KDM1A: variants seen among roughly 807,000 people sequenced by gnomAD.
KDM1A encodes the protein lysine-specific histone demethylase 1A.
KDM1A carries 49 observed loss-of-function variants against 109.4 expected under a neutral mutation model. That is an observed-to-expected ratio of 0.45 (90% CI 0.36 to 0.57). KDM1A has a LOEUF of 0.57. Ranked by LOEUF, KDM1A falls within the 20% of genes least tolerant of loss-of-function variation. The pLI is 0.00. For missense variants in KDM1A, 668 were observed against 1,116.6 expected, an observed-to-expected ratio of 0.60 and a Z score of 5.73; for synonymous variants, 380 against 415.4, an observed-to-expected ratio of 0.91 and a Z score of 1.04.
chr1:23,081,727 C>A, intron 19 of KDM1A, 154 bp downstream of exon 19: 1 of 916,568 alleles, frequency 1.1e-6, no homozygotes, highest in Admixed American at 2.9e-5. Context: ...ATGGCCTAAG[C>A]GTGGGGTTCA....
In KDM1A at chr1:23,083,422, C is replaced by A; in HGVS notation, c.*58C>A. 1 of 1,522,170 alleles carries A rather than the reference C, an allele frequency of 6.6e-7. No individual in the cohort carries two copies. The highest frequency in any genetic ancestry group is 8.9e-7 in the Non-Finnish European group (1 of 1,124,606). 94.3% of individuals were successfully genotyped at this position (1,522,170 alleles called of 1,614,324 possible). On this transcript the variant is annotated 3_prime_UTR_variant, in exon 21 of 21. Coordinates refer to ENST00000400181, the MANE Select transcript of KDM1A (RefSeq NM_001009999.3). ...GCCTGTTTCTGCCATGTAAGGAAGG[C>A]TCTTCTAGCAATACTAGATCCCACT...
chr1:23,029,359 A>G (rs545094343), intron 1 of KDM1A, among the ~76,000 whole-genome samples: 1 of 152,300 alleles, frequency 6.6e-6, no homozygotes, highest in South Asian at 2.1e-4. Flanking sequence ...AATTGATTCC[A>G]TAATAATTAG....
At chr1:23,074,767 A>T (rs527497334) in intron 15 of KDM1A, among the ~76,000 whole-genome samples, 1 of 152,310 alleles carries the variant, frequency 6.6e-6, no homozygotes, top group East Asian at 1.9e-4. Flanking sequence ...ATGTTTTTCC[A>T]TATAGTTATG....
chr1:23,075,398 C>T (rs1643433289), intron 15 of KDM1A, among the ~76,000 whole-genome samples: 1 of 151,224 alleles, frequency 6.6e-6, no homozygotes, highest in Non-Finnish European at 1.5e-5. Context: ...CAGCCTGGCC[C>T]TGTCTCTACT....
At chr1:23,045,252 T>C (rs999150718) in intron 3 of KDM1A, among the ~76,000 whole-genome samples, 1 of 152,226 alleles carries the variant, frequency 6.6e-6, no homozygotes, top group African/African-American at 2.4e-5. Flanking sequence ...TTTGATAGAA[T>C]TGGAATAGGC....
intron 2 of KDM1A, among the ~76,000 whole-genome samples, chr1:23,034,982 A>G (rs1182927897): frequency 6.6e-6 from 1 of 152,200 alleles, no homozygotes. Flanking sequence ...GAAGCCCAGA[A>G]GCTTCCATTA....
chr1:23,025,934 T>A (rs1641784924), intron 1 of KDM1A, among the ~76,000 whole-genome samples: 1 of 151,886 alleles, frequency 6.6e-6, no homozygotes, highest in East Asian at 1.9e-4. Context: ...TATACAAAAT[T>A]ATAAAAATTA....
chr1:23,071,473 A>T, intron 13 of KDM1A, 114 bp downstream of exon 13: 1 of 973,890 alleles, frequency 1.0e-6, no homozygotes. Flanking sequence ...CTTCAGTGCA[A>T]TGAAGACGAT....
chr1:23,030,965 C>T (rs1641964757), intron 2 of KDM1A, among the ~76,000 whole-genome samples: 1 of 152,144 alleles, frequency 6.6e-6, no homozygotes, highest in African/African-American at 2.4e-5. Context: ...AAAAAACATA[C>T]AGAAAGCCAT....
chr1:23,024,207 T>A (rs989440050), intron 1 of KDM1A, among the ~76,000 whole-genome samples: 3 of 152,174 alleles, frequency 2.0e-5, no homozygotes, highest in Non-Finnish European at 2.9e-5. Flanking sequence ...CTTACCCTGT[T>A]TTTTAATCCC....
chr1:23,045,393 A>G (rs1161226009), intron 3 of KDM1A, among the ~76,000 whole-genome samples: 1 of 152,218 alleles, frequency 6.6e-6, no homozygotes, highest in African/African-American at 2.4e-5. Context: ...AAGGTAGTTC[A>G]TTGTTAATAC....
At chr1:23,056,904 A>G (rs1317844020) in intron 7 of KDM1A, among the ~76,000 whole-genome samples, 1 of 151,930 alleles carries the variant, frequency 6.6e-6, no homozygotes, top group Non-Finnish European at 1.5e-5. Flanking sequence ...ATCCCTCGTC[A>G]GCAGTGATAA....
chr1:23,075,108 A>T (rs1322790479), intron 15 of KDM1A, among the ~76,000 whole-genome samples: 1 of 152,222 alleles, frequency 6.6e-6, no homozygotes, highest in East Asian at 1.9e-4. Context: ...GAATATTCTT[A>T]TCCTTAAATA....
chr1:23,044,616 C>T (rs965407192), intron 3 of KDM1A, 130 bp downstream of exon 3: 3 of 716,068 alleles, frequency 4.2e-6, no homozygotes, highest in Non-Finnish European at 6.8e-6. Context: ...ACCCACAGGA[C>T]ATAATAGTAT....
intron 4 of KDM1A, among the ~76,000 whole-genome samples, chr1:23,051,269 T>C (rs1341365693): frequency 6.6e-6 from 1 of 152,222 alleles, no homozygotes; most frequent in Admixed American, 6.5e-5. Flanking sequence ...ATTTGACTGC[T>C]GGACATTTGT....
At chr1:23,072,037 G>A (rs1333284195) in intron 13 of KDM1A, 87 bp from the exon 14 acceptor site, 1 of 795,086 alleles carries the variant, frequency 1.3e-6, no homozygotes. Flanking sequence ...GAGGAAATAT[G>A]ATCCAGACCT....
rs939993071 is a variant in KDM1A at position 23,079,921 on chromosome 1, G to A, written c.2170+254G>A. Reference sequence around the variant, plus strand: ...GTGGCCTGATGGGCTGAACGCCCAGGTTACTGGAGGTCCACTCAGCCTGGA... The same window carrying A: ...GTGGCCTGATGGGCTGAACGCCCAGATTACTGGAGGTCCACTCAGCCTGGA... On this transcript the variant is annotated intron_variant, in intron 18 of 20. Coordinates refer to ENST00000400181, the MANE Select transcript of KDM1A (RefSeq NM_001009999.3). The surrounding 1 kb of genome is among the most constrained non-coding windows in gnomAD (Gnocchi z 5.6). 5.3e-5 allele frequency among the ~76,000 whole-genome samples: 8 copies of A among 152,152 alleles called. No individual in the cohort carries two copies. Among genetic ancestry groups the A allele is most frequent in the African/African-American group, 1.9e-4 (8 of 41,416 alleles).
intron 7 of KDM1A, among the ~76,000 whole-genome samples, chr1:23,057,283 A>T (rs896650695): frequency 3.3e-4 from 51 of 152,278 alleles, no homozygotes; most frequent in African/African-American, 1.2e-3. Context: ...ATTATATGTC[A>T]TTTGTTGCCT....
intron 16 of KDM1A, among the ~76,000 whole-genome samples, chr1:23,078,452 C>G (rs910079418): frequency 6.6e-6 from 1 of 152,102 alleles, no homozygotes; most frequent in African/African-American, 2.4e-5. Context: ...TTTCAGTACC[C>G]TCTCTGAGGT....
Sources: gnomAD v4.1 joint callset for allele counts (sites outside exome capture counted in the v4.1 genomes callset) on GRCh38, gnomAD v4.1.1 for gene constraint, Gnocchi (gnomAD v3.1) non-coding constraint, MANE v1.5 for transcripts, NCBI Gene and HGNC (gene_info 2026-07-23, HGNC 2026-07-21) for gene names.